The following AEBP1 variants were observed in gnomAD, a reference collection of about 807,000 sequenced individuals.
The protein encoded by AEBP1 is AE binding protein 1, also known as adipocyte enhancer-binding protein 1.
A neutral mutation model predicts 116.5 loss-of-function variants in AEBP1; 69 were observed. The observed-to-expected ratio is 0.59, with a 90% CI of 0.49 to 0.72. The LOEUF (loss-of-function observed/expected upper bound fraction) is 0.72. AEBP1 is among the 30% of genes least tolerant of loss of function. The pLI, the probability that AEBP1 is intolerant of heterozygous loss-of-function variation, is 0.00. For synonymous variants in AEBP1, 627 were observed against 627.3 expected (o/e 1.00, Z 0.01); for missense variants, 1,444 against 1,557.5 (o/e 0.93, Z 1.23).
Position 44,110,989 on chromosome 7 carries a change from G to T in AEBP1, c.1562G>T (p.Arg521Leu). 6.2e-7 allele frequency: 1 copy of T among 1,613,838 alleles called. No homozygotes were observed. The highest frequency in any genetic ancestry group is 8.5e-7 in the Non-Finnish European group (1 of 1,179,958). The change falls in exon 13 of 21, where the codon CGC (arginine) becomes CTC (leucine). Residue 521 changes from arginine to leucine, a missense_variant. By Grantham distance (102) the Arg-to-Leu change is moderately radical (BLOSUM62 -2). Coordinates refer to ENST00000223357, the MANE Select transcript of AEBP1 (RefSeq NM_001129.5). ...LPEPVVARFIRIYPLTWNGSL... is the reference protein window; with the variant it reads ...LPEPVVARFILIYPLTWNGSL... ...GAGCCGGTGGTGGCTCGTTTCATCC[G>T]CATCTACCCACTCACCTGGAATGGC... is the stretch of plus-strand genomic sequence containing the variant.
Position 44,110,925 on chromosome 7 carries a change from A to C in AEBP1, c.1498A>C (p.Asn500His). 6.2e-7 allele frequency: 1 copy of C among 1,613,924 alleles called. No homozygotes were observed. The highest frequency in any genetic ancestry group is 1.1e-5 in the South Asian group (1 of 91,082). Residue 500 changes from asparagine to histidine, a missense_variant, in exon 13 of 21, where the codon AAC becomes CAC. By Grantham distance (68) the Asn-to-His change is moderately conservative. Transcript: ENST00000223357. Reference sequence around the variant, plus strand: ...TGCCTCTCCCCAGACCTTTCATGGGAACGTGGACAAGGACACACCCGTGCT... The same window carrying C: ...TGCCTCTCCCCAGACCTTTCATGGGCACGTGGACAAGGACACACCCGTGCT... ...NGYEEMTFHG[N>H]VDKDTPVLSE...
Position 44,109,297 on chromosome 7 carries a change from A to T in AEBP1, c.1106A>T (p.Lys369Met). 6.5e-7 allele frequency: 1 copy of T among 1,549,060 alleles called. No individual in the cohort carries two copies. Among genetic ancestry groups the T allele is most frequent in the Non-Finnish European group, 8.7e-7 (1 of 1,143,928 alleles). Reference sequence around the variant, plus strand: ...CCTTCATTGTCCCTAGAGCCCCGAAAGGGCGAGGAGTTGGAGGAGGAGTGG... The same window carrying T: ...CCTTCATTGTCCCTAGAGCCCCGAATGGGCGAGGAGTTGGAGGAGGAGTGG... ...EKGKDHKEPR[K>M]GEELEEEWTP... is the part of the protein sequence containing the mutation. Residue 369 changes from lysine (K) to methionine (M), a missense_variant, in exon 9 of 21, where the codon AAG (lysine) becomes ATG (methionine). Transcript: ENST00000223357.
In AEBP1 at chr7:44,112,118, G is replaced by GC; in HGVS notation, c.2038-22dup. On this transcript the variant is annotated intron_variant, in intron 16 of 20. Coordinates refer to ENST00000223357, the MANE Select transcript of AEBP1 (RefSeq NM_001129.5). The surrounding 1 kb of genome is among the most constrained non-coding windows in gnomAD (Gnocchi z 6.6). ...GGTTGTGGGGGTGTGGGTAGCCGAT[G>GC]CCTACCCTGCTGGCTCCCCACAGGG... 2.5e-6 allele frequency: 4 copies of GC among 1,597,874 alleles called. No individual in the cohort carries two copies. The highest frequency in any genetic ancestry group is 3.4e-6 in the Non-Finnish European group (4 of 1,168,096).
In AEBP1 at chr7:44,114,395, C is replaced by A; in HGVS notation, c.*134C>A. The A allele has an allele frequency of 9.6e-7, 1 of 1,042,822 alleles. No individual in the cohort carries two copies. The highest frequency in any genetic ancestry group is 1.4e-6 in the Non-Finnish European group (1 of 718,290). The allele number at this position is 1,042,822 out of a possible 1,614,324, so 64.6% of individuals were successfully genotyped here. On this transcript the variant is annotated 3_prime_UTR_variant, in exon 21 of 21. Coordinates refer to ENST00000223357, the MANE Select transcript of AEBP1 (RefSeq NM_001129.5). Reference sequence around the variant, plus strand: ...ATGGACACTGAAAGGAAGGGCTGGTCCTGCCCCTTTGAGGGGGTGCAAACA... The same window carrying A: ...ATGGACACTGAAAGGAAGGGCTGGTACTGCCCCTTTGAGGGGGTGCAAACA...
chr7:44,106,281 A>C (rs568743129), intron 1 of AEBP1: 101 of 641,418 alleles, frequency 1.6e-4, no homozygotes, highest in South Asian at 1.5e-3. Context: ...TGGGGGGATG[A>C]GGGCCTCCCC....
At position 44,108,678 on chromosome 7, in the gene AEBP1, C is replaced by T. The variant is rs572416302; in HGVS notation, c.941-221C>T. On this transcript the variant is annotated intron_variant, in intron 6 of 20. Coordinates refer to ENST00000223357, the MANE Select transcript of AEBP1 (RefSeq NM_001129.5). This position sits in a 1 kb window ranked among gnomAD's most constrained non-coding sequence, Gnocchi z 5.0. The stretch of plus-strand genomic sequence containing the variant: ...GAGTCCTTTCCCCAGGCCAGATGCT[C>T]CTGGAAGGCCGGGCTGGTGACTTCA... 6.6e-6 allele frequency among the ~76,000 whole-genome samples: 1 copy of T among 152,292 alleles called. No homozygotes were observed. The highest frequency in any genetic ancestry group is 6.5e-5 in the Admixed American group (1 of 15,308).
At position 44,112,633 on chromosome 7, in the gene AEBP1, G is replaced by A; in HGVS notation, c.2293G>A (p.Gly765Ser). The change falls in exon 18 of 21, where the codon GGC becomes AGC. Residue 765 changes from glycine (G) to serine (S), a missense_variant. Physicochemically the swap from Gly to Ser is moderately conservative, Grantham distance 56 (BLOSUM62 0). Coordinates refer to ENST00000223357, the MANE Select transcript of AEBP1 (RefSeq NM_001129.5). This position sits in a 1 kb window ranked among gnomAD's most constrained non-coding sequence, Gnocchi z 6.6. ...CGTGCTGGGAGCAAATCTGAACGGC[G>A]GCGAGCGGCTAGTATCCTACCCCTA... is the stretch of plus-strand genomic sequence containing the variant. ...PFVLGANLNG[G>S]ERLVSYPYDM... 1 of 1,611,374 alleles carries A rather than the reference G, an allele frequency of 6.2e-7. No individual in the cohort carries two copies. The highest frequency in any genetic ancestry group is 8.5e-7 in the Non-Finnish European group (1 of 1,178,264).
In AEBP1 at chr7:44,111,358, C is replaced by A; in HGVS notation, c.1716+119C>A. On this transcript the variant is annotated intron_variant, in intron 14 of 20. Transcript: ENST00000223357. This position sits in a 1 kb window ranked among gnomAD's most constrained non-coding sequence, Gnocchi z 4.7. ...CTGGTTCCAGGGATGCTGGCTGTCC[C>A]TCACCTTAGGAAGGAGGCCAGTACC... 1 of 1,409,676 alleles carries A rather than the reference C, an allele frequency of 7.1e-7. No individual in the cohort carries two copies. Among genetic ancestry groups the A allele is most frequent in the Non-Finnish European group, 9.4e-7 (1 of 1,063,670 alleles). 87.3% of individuals were successfully genotyped at this position (1,409,676 alleles called of 1,614,324 possible).
intron 1 of AEBP1, chr7:44,106,180 G>A (rs951175476): frequency 1.0e-5 from 5 of 486,106 alleles, no homozygotes; most frequent in Non-Finnish European, 2.0e-5. Flanking sequence ...TCCAGGCCTG[G>A]ATGGCTCAGT....
chr7:44,113,139 G>A lies in AEBP1; in HGVS notation c.2709+9G>A. On this transcript the variant is annotated intron_variant, in intron 19 of 20. Transcript: ENST00000223357. This position sits in a 1 kb window ranked among gnomAD's most constrained non-coding sequence, Gnocchi z 5.3. The stretch of plus-strand genomic sequence containing the variant: ...TCACCTTCATGGAGCAGGTGGGGTG[G>A]CTAGGGCAATGCCTGGGGAGAGGAG... The A allele has an allele frequency of 6.2e-7, 1 of 1,613,864 alleles. No individual in the cohort carries two copies. Among genetic ancestry groups the A allele is most frequent in the Non-Finnish European group, 8.5e-7 (1 of 1,179,924 alleles).
In AEBP1 at chr7:44,108,709, G is replaced by C. The variant is rs1272504203; in HGVS notation, c.941-190G>C. Among the ~76,000 whole-genome samples, 1 of 152,110 alleles carries C rather than the reference G, an allele frequency of 6.6e-6. No individual in the cohort carries two copies. Among genetic ancestry groups the C allele is most frequent in the African/African-American group, 2.4e-5 (1 of 41,414 alleles). On this transcript the variant is annotated intron_variant, in intron 6 of 20. Transcript: ENST00000223357. This position sits in a 1 kb window ranked among gnomAD's most constrained non-coding sequence, Gnocchi z 5.0. The stretch of plus-strand genomic sequence containing the variant: ...AGGCCGGGCTGGTGACTTCAGCAGG[G>C]TCTTGCTCAGCTGCCCCTGAGCTCG...
rs963970151 is a variant in AEBP1, at chr7:44,111,933, G to A, written c.1920G>A (p.Gln640=). The A allele has an allele frequency of 3.7e-6, 6 of 1,613,750 alleles. No homozygotes were observed. The African/African-American group carries it at 5.3e-5, about 14-fold the overall frequency. The change falls in exon 16 of 21, where the codon CAG becomes CAA. Residue 640 remains glutamine (Q), a synonymous_variant. Coordinates refer to ENST00000223357, the MANE Select transcript of AEBP1 (RefSeq NM_001129.5). The surrounding 1 kb of genome is among the most constrained non-coding windows in gnomAD (Gnocchi z 4.7). ...LGRELLLLLM[Q]YLCREYRDGN... ...GAGAGCTGTTGCTGCTGCTCATGCA[G>A]TACCTGTGCCGAGAGTACCGCGATG...
rs1562689460 is a variant in AEBP1, at chr7:44,113,429, C to G, written c.2809+78C>G. The G allele has an allele frequency of 4.7e-6, 7 of 1,491,056 alleles. No homozygotes were observed. The highest frequency in any genetic ancestry group is 2.4e-5 in the South Asian group (2 of 82,300). 92.4% of individuals were successfully genotyped at this position (1,491,056 alleles called of 1,614,324 possible). On this transcript the variant is annotated intron_variant, in intron 20 of 20. Coordinates refer to ENST00000223357, the MANE Select transcript of AEBP1 (RefSeq NM_001129.5). The surrounding 1 kb of genome is among the most constrained non-coding windows in gnomAD (Gnocchi z 5.3). ...GAGGGTGGGGGCTTGAGGAACTCAG[C>G]GAGCAGGTAGAGTCTGGGGAGCCTG...
In AEBP1 at chr7:44,112,574, G is replaced by C. The variant is rs138705367; in HGVS notation, c.2234G>C (p.Arg745Pro). ...CCACTCCAGGTATCCACGGAGGTCC[G>C]GGCCATCATTGCCTGGATGGAGAAG... ...SPDATVSTEV[R>P]AIIAWMEKNP... The change falls in exon 18 of 21, where the codon CGG becomes CCG. Residue 745 changes from arginine to proline, a missense_variant. Physicochemically the swap from Arg to Pro is moderately radical, Grantham distance 103. Coordinates refer to ENST00000223357, the MANE Select transcript of AEBP1 (RefSeq NM_001129.5). This position sits in a 1 kb window ranked among gnomAD's most constrained non-coding sequence, Gnocchi z 6.6. 1.3e-6 allele frequency: 2 copies of C among 1,592,970 alleles called. No individual in the cohort carries two copies. Among genetic ancestry groups the C allele is most frequent in the African/African-American group, 2.7e-5 (2 of 74,510 alleles).
chr7:44,113,842 C>A lies in AEBP1; in HGVS notation c.3058C>A (p.Gln1020Lys). 1 of 1,613,878 alleles carries A rather than the reference C, an allele frequency of 6.2e-7. No individual in the cohort carries two copies. The highest frequency in any genetic ancestry group is 2.2e-5 in the East Asian group (1 of 44,880). The change falls in exon 21 of 21, where the codon CAG becomes AAG. Residue 1020 changes from glutamine to lysine, a missense_variant. By Grantham distance (53) the Gln-to-Lys change is moderately conservative (BLOSUM62 1). Transcript: ENST00000223357. This position sits in a 1 kb window ranked among gnomAD's most constrained non-coding sequence, Gnocchi z 5.3. Reference sequence around the variant, plus strand: ...GACCCCCCAACAGCGACGCCTGCAGCAGCGACGCCTACAACACCGCCTGCG... The same window carrying A: ...GACCCCCCAACAGCGACGCCTGCAGAAGCGACGCCTACAACACCGCCTGCG... ...PMTPQQRRLQ[Q>K]RRLQHRLRLR...
In AEBP1 at chr7:44,114,367, G is replaced by A. The variant is rs2096234511; in HGVS notation, c.*106G>A. The A allele has an allele frequency of 1.6e-6, 2 of 1,268,572 alleles. No individual in the cohort carries two copies. The highest frequency in any genetic ancestry group is 2.7e-5 in the South Asian group (2 of 73,240). The allele number at this position is 1,268,572 out of a possible 1,614,324, so 78.6% of individuals were successfully genotyped here. A position where few individuals can be genotyped will look rare whatever the true frequency, so the allele number is the denominator to read the frequency against. ...ACCCATCAGCACATGGAAGGCCCCT[G>A]GTATGGACACTGAAAGGAAGGGCTG... On this transcript the variant is annotated 3_prime_UTR_variant, in exon 21 of 21. Coordinates refer to ENST00000223357, the MANE Select transcript of AEBP1 (RefSeq NM_001129.5).
intron 1 of AEBP1, among the ~76,000 whole-genome samples, chr7:44,106,010 A>G (rs2096222535): frequency 6.6e-6 from 1 of 151,976 alleles, no homozygotes. Flanking sequence ...CAAACCCCTT[A>G]CTTCTCGAAA....
chr7:44,110,619 C>T, intron 11 of AEBP1, 106 bp from the exon 12 acceptor site: 1 of 1,142,174 alleles, frequency 8.8e-7, no homozygotes, highest in Non-Finnish European at 1.2e-6. Context: ...CGTGCAGCAC[C>T]ACCCTGCTAG....
chr7:44,110,269 C>G lies in AEBP1; in HGVS notation c.1323C>G (p.Thr441=), dbSNP rs1361633821. ...GGTGTGCCGAGGACGATGCCAGGAC[C>G]CAGTGGATAGAGGTGGACACCAGGA... The part of the protein sequence containing the change: ...GAWCAEDDAR[T]QWIEVDTRRT... The change falls in exon 11 of 21, where the codon ACC becomes ACG. Residue 441 remains threonine, a synonymous_variant. Coordinates refer to ENST00000223357, the MANE Select transcript of AEBP1 (RefSeq NM_001129.5). 6.2e-7 allele frequency: 1 copy of G among 1,613,746 alleles called. No homozygotes were observed. Among genetic ancestry groups the G allele is most frequent in the Non-Finnish European group, 8.5e-7 (1 of 1,180,012 alleles).
Sources: gnomAD v4.1 joint callset for allele counts (sites outside exome capture counted in the v4.1 genomes callset) on GRCh38, gnomAD v4.1.1 for gene constraint, Gnocchi (gnomAD v3.1) non-coding constraint, MANE v1.5 for transcripts, NCBI Gene and HGNC (gene_info 2026-07-23, HGNC 2026-07-21) for gene names.